The following COL4A2 variants were observed in gnomAD, a reference collection of about 807,000 sequenced individuals.
COL4A2 encodes collagen type IV alpha 2 chain.
COL4A2 carries 99 observed loss-of-function variants against 200.2 expected under a neutral mutation model. That is an observed-to-expected ratio of 0.49 (90% CI 0.42 to 0.58). COL4A2 has a LOEUF of 0.58. Among genes scored for constraint, COL4A2 ranks in the 20% least tolerant of loss-of-function variants. The pLI is 0.00. For synonymous variants in COL4A2, 897 were observed against 900.6 expected (o/e 1.00, Z 0.07); for missense variants, 1,950 against 2,314.1 (o/e 0.84, Z 3.23).
At chr13:110,448,822 G>T (rs895917468) in intron 18 of COL4A2, among the ~76,000 whole-genome samples, 1 of 152,238 alleles carries the variant, frequency 6.6e-6, no homozygotes, top group African/African-American at 2.4e-5. Context: ...GTGACCCTGT[G>T]AGGTGGAGAT....
intron 4 of COL4A2, among the ~76,000 whole-genome samples, chr13:110,375,885 G>T (rs900209104): frequency 3.9e-5 from 6 of 152,034 alleles, no homozygotes; most frequent in Non-Finnish European, 7.4e-5. Flanking sequence ...TCTTTATACA[G>T]GAGTGGTCCG....
chr13:110,508,157 A>G lies in COL4A2; in HGVS notation c.4817A>G (p.Asp1606Gly). The part of the protein sequence containing the change: ...PAIAIAVHSQ[D>G]VSIPHCPAGW... ...ATCGCCATCGCGGTCCACAGTCAGG[A>G]TGTCTCCATCCCACACTGCCCAGCT... is the stretch of plus-strand genomic sequence containing the variant. Residue 1606 changes from aspartate (D) to glycine (G), a missense_variant, in exon 47 of 48, where the codon GAT becomes GGT. Physicochemically the swap from Asp to Gly is moderately conservative, Grantham distance 94. Coordinates refer to ENST00000360467, the MANE Select transcript of COL4A2 (RefSeq NM_001846.4). This position sits in a 1 kb window ranked among gnomAD's most constrained non-coding sequence, Gnocchi z 6.1. The G allele has an allele frequency of 6.2e-7, 1 of 1,614,246 alleles. No individual in the cohort carries two copies. Among genetic ancestry groups the G allele is most frequent in the East Asian group, 2.2e-5 (1 of 44,890 alleles).
chr13:110,394,420 T>G (rs113838529), intron 4 of COL4A2, among the ~76,000 whole-genome samples: 1 of 152,152 alleles, frequency 6.6e-6, no homozygotes, highest in Non-Finnish European at 1.5e-5. Context: ...TTCGCACAAG[T>G]AGAGAGAGGA....
rs555276606 is a variant in COL4A2 at position 110,466,141 on chromosome 13, G to A, written c.2038+79G>A. The stretch of plus-strand genomic sequence containing the variant: ...TGCTGGTTAAGCTCTTGCAGTATGC[G>A]TGGGATAAGAAATATTAATAATATG... On this transcript the variant is annotated intron_variant, in intron 26 of 47. Transcript: ENST00000360467. 27 of 1,505,802 alleles carry A rather than the reference G, an allele frequency of 1.8e-5. 1 individual carries two copies. In the African/African-American group the frequency reaches 1.8e-4, roughly 10 times the overall value. 93.3% of individuals were successfully genotyped at this position (1,505,802 alleles called of 1,614,324 possible). A position where few individuals can be genotyped will look rare whatever the true frequency, so the allele number is the denominator to read the frequency against.
Position 110,503,461 on chromosome 13 carries a change from A to G in COL4A2, c.4118A>G (p.Lys1373Arg). ...AVGDRGPKGP[K>R]GDPGFPGAPG... is the part of the protein sequence containing the mutation. ...GGCGACAGAGGCCCCAAGGGACCCA[A>G]GGGAGACCCAGGATTCCCTGGTAAG... The change falls in exon 43 of 48, where the codon AAG becomes AGG. Residue 1373 changes from lysine to arginine, a missense_variant. This residue lies in a region of COL4A2 where 1,385 missense variants were observed against 1,720.5 expected (regional missense o/e 0.80). Transcript: ENST00000360467. The G allele has an allele frequency of 6.4e-7, 1 of 1,567,076 alleles. No individual in the cohort carries two copies. The highest frequency in any genetic ancestry group is 1.2e-5 in the South Asian group (1 of 85,856).
intron 13 of COL4A2, among the ~76,000 whole-genome samples, chr13:110,436,917 G>T (rs1041364584): frequency 2.0e-5 from 3 of 151,672 alleles, no homozygotes; most frequent in African/African-American, 4.9e-5. Context: ...CCACTCGGAG[G>T]TCCCACAGCC....
chr13:110,476,572 C>A (rs1022549991), intron 29 of COL4A2, among the ~76,000 whole-genome samples: 1 of 152,164 alleles, frequency 6.6e-6, no homozygotes, highest in African/African-American at 2.4e-5. Context: ...TCCTGTGCAC[C>A]CCCCTGGCTT....
At chr13:110,500,833 T>C (rs1272823457) in intron 40 of COL4A2, among the ~76,000 whole-genome samples, 1 of 152,234 alleles carries the variant, frequency 6.6e-6, no homozygotes, top group Admixed American at 6.5e-5. Context: ...ATGCAGCTTC[T>C]CTTACATATG....
chr13:110,439,041 T>C (rs1881025120), intron 15 of COL4A2, among the ~76,000 whole-genome samples: 1 of 152,192 alleles, frequency 6.6e-6, no homozygotes, highest in African/African-American at 2.4e-5. Flanking sequence ...ACACATTGAT[T>C]TCCGACTGTC....
At chr13:110,431,400 G>A (rs936450201) in intron 10 of COL4A2, among the ~76,000 whole-genome samples, 23 of 152,066 alleles carry the variant, frequency 1.5e-4, no homozygotes, top group Admixed American at 5.2e-4. Flanking sequence ...CTAACAGTTG[G>A]GGGGTACTCA....
intron 36 of COL4A2, among the ~76,000 whole-genome samples, chr13:110,490,229 G>A (rs1489242777): frequency 2.6e-5 from 4 of 152,248 alleles, no homozygotes; most frequent in African/African-American, 7.2e-5. Flanking sequence ...TGACCAGCCC[G>A]AGCGAGTTGT....
At chr13:110,507,262 A>G (rs752157107) in intron 46 of COL4A2, among the ~76,000 whole-genome samples, 2 of 152,154 alleles carry the variant, frequency 1.3e-5, no homozygotes, top group Non-Finnish European at 2.9e-5. Flanking sequence ...GTGCCTTCAC[A>G]TTCCTGCCTG....
intron 45 of COL4A2, among the ~76,000 whole-genome samples, chr13:110,505,116 T>A (rs71440065): frequency 2.6e-5 from 4 of 151,528 alleles, no homozygotes; most frequent in Middle Eastern, 3.4e-3. Context: ...TTTGGGAGGC[T>A]GAGGTGGGCG....
intron 3 of COL4A2, among the ~76,000 whole-genome samples, chr13:110,310,906 G>T (rs905172160): frequency 1.5e-4 from 23 of 152,172 alleles, no homozygotes; most frequent in Non-Finnish European, 2.5e-4. Context: ...AGCCACAAAG[G>T]GTTTGCAGCC....
rs1356654097 is a variant in COL4A2, at chr13:110,474,797, A to G, written c.2425+1647A>G. Among the ~76,000 whole-genome samples the G allele has an allele frequency of 2.0e-5, 3 of 146,840 alleles. 1 individual carries two copies. The highest frequency in any genetic ancestry group is 3.0e-5 in the Non-Finnish European group (2 of 66,494). On this transcript the variant is annotated intron_variant, in intron 29 of 47. Transcript: ENST00000360467. The stretch of plus-strand genomic sequence containing the variant: ...CGTACCCACACACGTGCCTGTGTAC[A>G]CTCACACATGATCACACATGCACGT...
In COL4A2 at chr13:110,506,459, G is replaced by C. The variant is rs774564238; in HGVS notation, c.4447G>C (p.Gly1483Arg). Reference protein sequence around the residue: ...PGSPGLPGMPGRSVSIGYLLV... With the variant: ...PGSPGLPGMPRRSVSIGYLLV... Reference sequence around the variant, plus strand: ...GAGCCCGGGCCTGCCGGGTATGCCAGGCCGCAGCGTCAGCATCGGCTACCT... The same window carrying C: ...GAGCCCGGGCCTGCCGGGTATGCCACGCCGCAGCGTCAGCATCGGCTACCT... The change falls in exon 46 of 48, where the codon GGC (glycine) becomes CGC (arginine). Residue 1483 changes from glycine (G) to arginine (R), a missense_variant. Gly to Arg is a moderately radical substitution (Grantham distance 125, BLOSUM62 -2). Transcript: ENST00000360467. The C allele has an allele frequency of 1.8e-5, 29 of 1,612,870 alleles. 1 individual carries two copies. In the South Asian group the frequency reaches 3.2e-4, roughly 18 times the overall value.
At chr13:110,334,615 T>A (rs1443002352) in intron 3 of COL4A2, among the ~76,000 whole-genome samples, 1 of 152,224 alleles carries the variant, frequency 6.6e-6, no homozygotes, top group Non-Finnish European at 1.5e-5. Flanking sequence ...ACATATTTGC[T>A]CCTTACAGTG....
intron 45 of COL4A2, among the ~76,000 whole-genome samples, chr13:110,505,136 G>GTT (rs1883802840): frequency 6.6e-6 from 1 of 151,326 alleles, no homozygotes; most frequent in Admixed American, 6.6e-5. Flanking sequence ...GGATCACAAG[G>GTT]GCAGGAGATC....
chr13:110,503,762 C>G, intron 43 of COL4A2, 85 bp from the exon 44 acceptor site: 1 of 1,532,756 alleles, frequency 6.5e-7, no homozygotes, highest in Non-Finnish European at 9.0e-7. Flanking sequence ...AAAGAAGCCT[C>G]CCTGGTGAGA....
Sources: gnomAD v4.1 joint callset for allele counts (sites outside exome capture counted in the v4.1 genomes callset) on GRCh38, gnomAD v4.1.1 for gene constraint, gnomAD v4.1.1 regional missense constraint, Gnocchi (gnomAD v3.1) non-coding constraint, MANE v1.5 for transcripts, NCBI Gene and HGNC (gene_info 2026-07-23, HGNC 2026-07-21) for gene names.